ASIC2: variants seen among roughly 807,000 people sequenced by gnomAD.
The protein encoded by ASIC2 is acid-sensing ion channel 2.
ASIC2 carries 25 observed loss-of-function variants against 57.3 expected under a neutral mutation model. The ratio of observed to expected loss-of-function variants is 0.44; its 90% CI spans 0.32 to 0.61. ASIC2 has a LOEUF of 0.61. ASIC2 is among the 20% of genes least tolerant of loss of function. The probability of loss-of-function intolerance (pLI) is 0.06; values close to 1 mark genes in which losing one functional copy is unlikely to be tolerated. For synonymous variants in ASIC2, 319 were observed against 307.5 expected (o/e 1.04, Z -0.39); for missense variants, 641 against 738.1 (o/e 0.87, Z 1.52).
At chr17:34,006,308 G>T (rs1597970704) in intron 1 of ASIC2, 2 of 152,350 alleles carry the variant, frequency 1.3e-5, no homozygotes, top group South Asian at 4.1e-4. Flanking sequence ...AGAGAGTCTG[G>T]CATGCATGAA....
intron 1 of ASIC2, among the ~76,000 whole-genome samples, chr17:33,432,592 C>A (rs890849628): frequency 6.6e-6 from 1 of 152,166 alleles, no homozygotes; most frequent in Non-Finnish European, 1.5e-5. Flanking sequence ...ACAACCTTTT[C>A]TCTAGCTTAC....
chr17:33,891,054 G>A (rs1057054569), intron 1 of ASIC2, among the ~76,000 whole-genome samples: 11 of 152,120 alleles, frequency 7.2e-5, no homozygotes, highest in African/African-American at 4.8e-5. Flanking sequence ...ATAAGTTTCC[G>A]GCTTTGGTGC....
intron 1 of ASIC2, among the ~76,000 whole-genome samples, chr17:33,676,955 T>G (rs537930960): frequency 3.9e-5 from 6 of 152,304 alleles, no homozygotes; most frequent in African/African-American, 1.4e-4. Context: ...TGGTTAAGTT[T>G]GTGCCCCCCA....
At chr17:33,869,360 C>G (rs1443750669) in intron 1 of ASIC2, among the ~76,000 whole-genome samples, 6 of 152,152 alleles carry the variant, frequency 3.9e-5, no homozygotes, top group Admixed American at 2.0e-4. Flanking sequence ...GGCAGTTCCT[C>G]AAAACTGACC....
intron 1 of ASIC2, among the ~76,000 whole-genome samples, chr17:33,336,827 G>A (rs1190633396): frequency 1.3e-5 from 2 of 152,084 alleles, no homozygotes; most frequent in East Asian, 1.9e-4. Flanking sequence ...AGGAGGGGGC[G>A]GGGCTTCTGT....
chr17:33,746,341 C>G (rs1273609922), intron 1 of ASIC2, among the ~76,000 whole-genome samples: 1 of 145,372 alleles, frequency 6.9e-6, no homozygotes, highest in East Asian at 2.1e-4. Context: ...TGTATATATA[C>G]ATACATGTAT....
At chr17:33,445,367 G>A (rs917722733) in intron 1 of ASIC2, among the ~76,000 whole-genome samples, 3 of 152,220 alleles carry the variant, frequency 2.0e-5, no homozygotes, top group African/African-American at 7.2e-5. Context: ...GGAGGCAGAT[G>A]TTGCAGTGAG....
At chr17:33,508,917 G>C (rs1032487070) in intron 1 of ASIC2, among the ~76,000 whole-genome samples, 3 of 152,180 alleles carry the variant, frequency 2.0e-5, no homozygotes, top group Admixed American at 2.0e-4. Context: ...CCTGAATGGA[G>C]TTCAGTTGAC....
intron 1 of ASIC2, among the ~76,000 whole-genome samples, chr17:34,085,874 C>T (rs1035249984): frequency 2.3e-4 from 35 of 151,668 alleles, no homozygotes; most frequent in East Asian, 1.2e-3. Flanking sequence ...TCTGTGGGAT[C>T]GGTGGTGACA....
chr17:33,445,417 C>T (rs1048533411), intron 1 of ASIC2, among the ~76,000 whole-genome samples: 4 of 152,012 alleles, frequency 2.6e-5, no homozygotes, highest in Admixed American at 1.3e-4. Context: ...GGTGACAGAA[C>T]GAGACTCTGT....
intron 1 of ASIC2, among the ~76,000 whole-genome samples, chr17:34,093,154 C>A (rs976209971): frequency 6.6e-6 from 1 of 152,152 alleles, no homozygotes; most frequent in African/African-American, 2.4e-5. Flanking sequence ...TTACAAAATG[C>A]TGCTGGGAAC....
intron 1 of ASIC2, among the ~76,000 whole-genome samples, chr17:33,579,441 C>T (rs58670440): frequency 7.2e-5 from 11 of 151,930 alleles, no homozygotes; most frequent in Admixed American, 1.3e-4. Context: ...ACTAGGGCTG[C>T]GGGGTACCCA....
intron 3 of ASIC2, among the ~76,000 whole-genome samples, chr17:33,065,964 C>T (rs1417097788): frequency 6.6e-6 from 1 of 152,132 alleles, no homozygotes; most frequent in East Asian, 1.9e-4. Flanking sequence ...GGGCTTCTGT[C>T]TCAGACCAGT....
intron 3 of ASIC2, among the ~76,000 whole-genome samples, chr17:33,079,575 A>G (rs961306825): frequency 9.2e-5 from 14 of 152,050 alleles, no homozygotes; most frequent in Non-Finnish European, 1.8e-4. Context: ...GCAGGGCTGT[A>G]TTTTAGAACG....
chr17:33,393,046 T>C (rs2141953908), intron 1 of ASIC2, among the ~76,000 whole-genome samples: 1 of 152,328 alleles, frequency 6.6e-6, no homozygotes, highest in South Asian at 2.1e-4. Flanking sequence ...CTACCTCTCA[T>C]GCAGCCCATT....
chr17:33,753,952 G>C (rs1910510211), intron 1 of ASIC2, among the ~76,000 whole-genome samples: 2 of 152,126 alleles, frequency 1.3e-5, no homozygotes, highest in Non-Finnish European at 2.9e-5. Context: ...GTTAATAACA[G>C]GGGAAACTGC....
At chr17:33,688,149 A>G (rs1015897860) in intron 1 of ASIC2, among the ~76,000 whole-genome samples, 2 of 152,210 alleles carry the variant, frequency 1.3e-5, no homozygotes, top group Non-Finnish European at 2.9e-5. Context: ...TTATCAAAGC[A>G]GAGGTAGCCT....
intron 1 of ASIC2, among the ~76,000 whole-genome samples, chr17:33,485,734 A>G (rs7222747): frequency 0.98 from 149,646 of 152,326 alleles, 73,625 homozygotes; most frequent in Middle Eastern, 1. Flanking sequence ...GAGACAGATT[A>G]AGTACAAGAG....
At chr17:33,324,478 T>G (rs1385078019) in intron 1 of ASIC2, among the ~76,000 whole-genome samples, 1 of 152,088 alleles carries the variant, frequency 6.6e-6, no homozygotes, top group Admixed American at 6.5e-5. Context: ...CAGGATACAG[T>G]ATATGACAGA....
Sources: gnomAD v4.1 joint callset for allele counts (sites outside exome capture counted in the v4.1 genomes callset) on GRCh38, gnomAD v4.1.1 for gene constraint, MANE v1.5 for transcripts, NCBI Gene and HGNC (gene_info 2026-07-23, HGNC 2026-07-21) for gene names.